DPP4: variants seen among roughly 807,000 people sequenced by gnomAD.
DPP4 encodes dipeptidyl peptidase 4.
In DPP4, 93 loss-of-function variants were observed where a neutral mutation model predicts 122.4. The observed-to-expected ratio is 0.76, with a 90% CI of 0.64 to 0.90. The LOEUF is 0.90. Among genes scored for constraint, DPP4 ranks in the 40% least tolerant of loss-of-function variants. The pLI is 0.00. For synonymous variants in DPP4, 321 were observed against 302.9 expected (o/e 1.06, Z -0.62); for missense variants, 914 against 907.3 (o/e 1.01, Z -0.09).
intron 23 of DPP4, among the ~76,000 whole-genome samples, chr2:162,004,722 G>C (rs939137746): frequency 2.6e-5 from 4 of 152,152 alleles, no homozygotes; most frequent in African/African-American, 9.7e-5. Flanking sequence ...TTGATCAGAT[G>C]ACTTCAGCAT....
Position 162,009,275 on chromosome 2 carries a change from A to C in DPP4, c.1853T>G (p.Phe618Cys), listed in dbSNP as rs748700068. Reference sequence around the variant, plus strand: ...AATTGCAATTCGTTTGTTGTCCACAAATCCCATTTTTGAAAATTGTCTAAA... The same window carrying C: ...AATTGCAATTCGTTTGTTGTCCACACATCCCATTTTTGAAAATTGTCTAAA... ...EAARQFSKMG[F>C]VDNKRIAIWG... Residue 618 changes from phenylalanine (F) to cysteine (C), a missense_variant, in exon 21 of 26, where the codon TTT becomes TGT. Transcript: ENST00000360534. 1 of 1,613,826 alleles carries C rather than the reference A, an allele frequency of 6.2e-7. No homozygotes were observed. Among genetic ancestry groups the C allele is most frequent in the Non-Finnish European group, 8.5e-7 (1 of 1,179,794 alleles).
At chr2:162,045,337 A>T (rs1264418088) in intron 5 of DPP4, among the ~76,000 whole-genome samples, 195 bp downstream of exon 5, 1 of 152,190 alleles carries the variant, frequency 6.6e-6, no homozygotes, top group Non-Finnish European at 1.5e-5. Flanking sequence ...ATTTGAAAGC[A>T]CTAAAAATGA....
intron 2 of DPP4, among the ~76,000 whole-genome samples, chr2:162,059,392 C>T (rs1010596502): frequency 1.8e-4 from 27 of 152,136 alleles, no homozygotes; most frequent in African/African-American, 6.3e-4. Flanking sequence ...CCGTGAAATC[C>T]GAGGTGATGA....
intron 10 of DPP4, 63 bp downstream of exon 10, chr2:162,033,478 A>G: frequency 1.5e-6 from 2 of 1,342,624 alleles, no homozygotes; most frequent in East Asian, 2.4e-5. Flanking sequence ...TTCACTTTTG[A>G]AAAGTTCTCC....
intron 16 of DPP4, 61 bp downstream of exon 16, chr2:162,018,668 G>C (rs1683005522): frequency 1.9e-6 from 3 of 1,576,804 alleles, no homozygotes; most frequent in Non-Finnish European, 2.6e-6. Flanking sequence ...GGAATAGAGG[G>C]AGCTGCTTCG....
intron 5 of DPP4, among the ~76,000 whole-genome samples, chr2:162,040,838 G>T (rs1002110884): frequency 1.3e-5 from 2 of 151,904 alleles, no homozygotes; most frequent in Admixed American, 6.6e-5. Flanking sequence ...AGGGGAAAGT[G>T]GGGGAGGGAG....
Position 161,994,987 on chromosome 2 carries a change from C to T in DPP4, c.2173G>A (p.Asp725Asn), listed in dbSNP as rs762580564. The T allele has an allele frequency of 1.1e-5, 17 of 1,613,964 alleles. No homozygotes were observed. The highest frequency in any genetic ancestry group is 4.4e-5 in the South Asian group (4 of 91,072). Residue 725 changes from aspartate to asparagine, a missense_variant, in exon 25 of 26, where the codon GAT becomes AAT. By Grantham distance (23) the Asp-to-Asn change is conservative (BLOSUM62 1). Coordinates refer to ENST00000360534, the MANE Select transcript of DPP4 (RefSeq NM_001935.4). ...ATTGCCTGGAAATCCACTCCAACATCGACCAGGGCTTTGGAGATCTGAGCT... is the reference window on the plus strand; with the variant it reads ...ATTGCCTGGAAATCCACTCCAACATTGACCAGGGCTTTGGAGATCTGAGCT... Reference protein sequence around the residue: ...QSAQISKALVDVGVDFQAMWY... With the variant: ...QSAQISKALVNVGVDFQAMWY...
chr2:162,053,491 CATTCA>C (rs904525650), intron 2 of DPP4, among the ~76,000 whole-genome samples: 2 of 152,146 alleles, frequency 1.3e-5, no homozygotes, highest in African/African-American at 2.4e-5. Context: ...TGTTGGGCTG[CATTCA>C]AAGCCGTCCA....
At chr2:162,036,286 G>A (rs1027704085) in intron 8 of DPP4, among the ~76,000 whole-genome samples, 4 of 152,104 alleles carry the variant, frequency 2.6e-5, no homozygotes, top group African/African-American at 9.7e-5. Context: ...CTCCTTTCAA[G>A]TTACTTCCAA....
chr2:161,993,622 T>C (rs1159382954), intron 25 of DPP4, among the ~76,000 whole-genome samples: 3 of 152,220 alleles, frequency 2.0e-5, no homozygotes, highest in Non-Finnish European at 4.4e-5. Context: ...TTGCAGGTGC[T>C]GAGAGAACTC....
intron 2 of DPP4, among the ~76,000 whole-genome samples, chr2:162,057,134 A>T (rs1028215812): frequency 6.6e-6 from 1 of 152,178 alleles, no homozygotes; most frequent in Admixed American, 6.5e-5. Context: ...GAGGGAGTCA[A>T]TTTGAGAACT....
chr2:162,038,513 A>G, intron 7 of DPP4, 91 bp from the exon 8 acceptor site: 1 of 1,332,404 alleles, frequency 7.5e-7, no homozygotes, highest in Non-Finnish European at 1.0e-6. Flanking sequence ...TGCAAATGTA[A>G]GGATTACCAT....
At chr2:161,995,485 A>T in intron 23 of DPP4, 113 bp from the exon 24 acceptor site, 1 of 879,984 alleles carries the variant, frequency 1.1e-6, no homozygotes, top group South Asian at 1.4e-5. Flanking sequence ...TTGATACAAA[A>T]TATAGCAAAC....
chr2:162,037,750 A>C (rs984372402), intron 8 of DPP4, among the ~76,000 whole-genome samples: 4 of 152,252 alleles, frequency 2.6e-5, no homozygotes, highest in Admixed American at 6.5e-5. Flanking sequence ...TTCCTTTTTA[A>C]CTTTTTTAGT....
At chr2:162,057,645 C>A (rs1445356232) in intron 2 of DPP4, among the ~76,000 whole-genome samples, 2 of 152,216 alleles carry the variant, frequency 1.3e-5, no homozygotes, top group Non-Finnish European at 2.9e-5. Context: ...AACCTTAGAG[C>A]TTTGATCTGA....
intron 10 of DPP4, among the ~76,000 whole-genome samples, chr2:162,031,760 G>A (rs1210561638): frequency 1.3e-5 from 2 of 152,020 alleles, no homozygotes; most frequent in Non-Finnish European, 2.9e-5. Context: ...ACTCCTGGGG[G>A]CATTTATCTG....
At chr2:162,053,433 A>C (rs1648743723) in intron 2 of DPP4, among the ~76,000 whole-genome samples, 1 of 152,252 alleles carries the variant, frequency 6.6e-6, no homozygotes, top group African/African-American at 2.4e-5. Context: ...ACTTTAAAAA[A>C]AAAAAACAAA....
Position 162,035,180 on chromosome 2 carries a change from C to T in DPP4, c.758G>A (p.Arg253Gln), listed in dbSNP as rs1272622396. 11 of 1,613,522 alleles carry T rather than the reference C, an allele frequency of 6.8e-6. No individual in the cohort carries two copies. The highest frequency in any genetic ancestry group is 3.3e-4 in the Middle Eastern group (2 of 6,060). The change falls in exon 9 of 26, where the codon CGG becomes CAG. Residue 253 changes from arginine to glutamine, a missense_variant. By Grantham distance (43) the Arg-to-Gln change is conservative. Transcript: ENST00000360534. ...AGCACAGACCTTTGGATATGGAACC[C>T]GTACAGTCTTTGGGTACTGCAGTGA... ...DESLQYPKTV[R>Q]VPYPKAGAVN... is the part of the protein sequence containing the mutation.
intron 2 of DPP4, among the ~76,000 whole-genome samples, chr2:162,048,540 T>A (rs748916481): frequency 9.9e-5 from 15 of 152,114 alleles, no homozygotes; most frequent in Non-Finnish European, 1.9e-4. Context: ...TATGTCACTC[T>A]CTCCTTGCAG....
Sources: gnomAD v4.1 joint callset for allele counts (sites outside exome capture counted in the v4.1 genomes callset) on GRCh38, gnomAD v4.1.1 for gene constraint, MANE v1.5 for transcripts, NCBI Gene and HGNC (gene_info 2026-07-23, HGNC 2026-07-21) for gene names.